ALPK2: variants seen among roughly 807,000 people sequenced by gnomAD.
The protein encoded by ALPK2 is alpha-protein kinase 2.
ALPK2 carries 127 observed loss-of-function variants against 163.1 expected under a neutral mutation model. The observed-to-expected ratio is 0.78, with a 90% CI of 0.67 to 0.90. The LOEUF (loss-of-function observed/expected upper bound fraction) is 0.90, where lower values mean the gene tolerates loss of function less well. ALPK2 is among the 40% of genes least tolerant of loss of function. The probability of loss-of-function intolerance (pLI) is 0.00; values close to 1 mark genes in which losing one functional copy is unlikely to be tolerated. For synonymous variants in ALPK2, 953 were observed against 959.1 expected (o/e 0.99, Z 0.12); for missense variants, 2,360 against 2,589.6 (o/e 0.91, Z 1.92).
At chr18:58,523,027 A>C (rs1372758869) in intron 8 of ALPK2, among the ~76,000 whole-genome samples, 1 of 146,704 alleles carries the variant, frequency 6.8e-6, no homozygotes, top group Non-Finnish European at 1.5e-5. Flanking sequence ...CTCGTCATTT[A>C]GCATTAGGTA....
chr18:58,520,718 C>T (rs2051546028), intron 8 of ALPK2, among the ~76,000 whole-genome samples: 1 of 152,228 alleles, frequency 6.6e-6, no homozygotes, highest in Non-Finnish European at 1.5e-5. Flanking sequence ...TTCCAACTTT[C>T]TCATGAGCTT....
chr18:58,546,151 C>G (rs765433042), intron 4 of ALPK2, among the ~76,000 whole-genome samples: 1 of 152,182 alleles, frequency 6.6e-6, no homozygotes, highest in East Asian at 1.9e-4. Flanking sequence ...AGGACTGTAA[C>G]TTCCTTGATA....
Position 58,553,702 on chromosome 18 carries a change from C to A in ALPK2, c.1963-15478G>T, listed in dbSNP as rs565772912. 2.3e-3 allele frequency among the ~76,000 whole-genome samples: 347 copies of A among 152,204 alleles called. 2 individuals carry two copies. The highest frequency in any genetic ancestry group is 0.01 in the Middle Eastern group (3 of 294). On this transcript the variant is annotated intron_variant, in intron 4 of 12. Transcript: ENST00000361673. ...ACTTGGCATTTCTCCTTCCTGCTGC[C>A]TTGTGAAGAAGGTGCCTTGCTTCCC...
chr18:58,530,551 C>T (rs930466650), intron 5 of ALPK2, among the ~76,000 whole-genome samples: 3 of 152,158 alleles, frequency 2.0e-5, no homozygotes, highest in African/African-American at 4.8e-5. Flanking sequence ...ATGCAGTGGC[C>T]GGCTTCATGG....
rs112793163 is a variant in ALPK2, at chr18:58,554,123, A to G, written c.1963-15899T>C. On this transcript the variant is annotated intron_variant, in intron 4 of 12. Coordinates refer to ENST00000361673, the MANE Select transcript of ALPK2 (RefSeq NM_052947.4). Reference sequence around the variant, plus strand: ...TGATCCGCTGCCTCGGCCTCCCAAAATGCTGGGATTACAGGCATGAGCCTC... The same window carrying G: ...TGATCCGCTGCCTCGGCCTCCCAAAGTGCTGGGATTACAGGCATGAGCCTC... Among the ~76,000 whole-genome samples, 878 of 152,118 alleles carry G rather than the reference A, an allele frequency of 5.8e-3. 12 individuals are homozygous for G. The highest frequency in any genetic ancestry group is 0.019 in the African/African-American group (773 of 41,486).
chr18:58,530,168 G>A (rs891703154), intron 5 of ALPK2, among the ~76,000 whole-genome samples: 4 of 152,236 alleles, frequency 2.6e-5, no homozygotes, highest in African/African-American at 7.2e-5. Flanking sequence ...ATTATACTAC[G>A]GTGAAAATAT....
At chr18:58,507,260 G>A (rs2051466595) in intron 10 of ALPK2, among the ~76,000 whole-genome samples, 1 of 152,144 alleles carries the variant, frequency 6.6e-6, no homozygotes, top group African/African-American at 2.4e-5. Flanking sequence ...TGGCGGCGGG[G>A]CAGCTATAAC....
Position 58,583,279 on chromosome 18 carries a change from T to A in ALPK2, c.228-2731A>T, listed in dbSNP as rs144159626. 1.1e-4 allele frequency among the ~76,000 whole-genome samples: 16 copies of A among 152,246 alleles called. 1 individual carries two copies. The East Asian group carries it at 3.1e-3, about 29-fold the overall frequency. On this transcript the variant is annotated intron_variant, in intron 3 of 12. Coordinates refer to ENST00000361673, the MANE Select transcript of ALPK2 (RefSeq NM_052947.4). ...GAGTCTTATGATCTCTATTTTAATG[T>A]CAGTGGTGGTCAGTTATGCCTAAAC...
At chr18:58,610,573 G>C (rs1272965870) in intron 2 of ALPK2, among the ~76,000 whole-genome samples, 1 of 152,188 alleles carries the variant, frequency 6.6e-6, no homozygotes, top group African/African-American at 2.4e-5. Context: ...CATTGCCTCT[G>C]TTTTAAGATT....
Position 58,580,021 on chromosome 18 carries a change from G to A in ALPK2, c.755C>T (p.Pro252Leu). 6.2e-7 allele frequency: 1 copy of A among 1,614,194 alleles called. No homozygotes were observed. Among genetic ancestry groups the A allele is most frequent in the Non-Finnish European group, 8.5e-7 (1 of 1,180,032 alleles). ...FTDGDLNNDGPHDEGLRSSQQ... is the reference protein window; with the variant it reads ...FTDGDLNNDGLHDEGLRSSQQ... Reference sequence around the variant, plus strand: ...ACTAGAGCGTAAGCCTTCATCATGAGGACCATCATTGTTCAGGTCACCATC... The same window carrying A: ...ACTAGAGCGTAAGCCTTCATCATGAAGACCATCATTGTTCAGGTCACCATC... The change falls in exon 4 of 13, where the codon CCT becomes CTT. Residue 252 changes from proline to leucine, a missense_variant. By Grantham distance (98) the Pro-to-Leu change is moderately conservative (BLOSUM62 -3). Transcript: ENST00000361673.
At chr18:58,516,716 C>T (rs548550113) in intron 9 of ALPK2, among the ~76,000 whole-genome samples, 192 bp downstream of exon 9, 1 of 152,326 alleles carries the variant, frequency 6.6e-6, no homozygotes, top group Admixed American at 6.5e-5. Context: ...TCCCCAGTAG[C>T]TGGCATAAGG....
intron 10 of ALPK2, among the ~76,000 whole-genome samples, chr18:58,510,383 C>T (rs1044215910): frequency 2.0e-5 from 3 of 152,082 alleles, no homozygotes; most frequent in East Asian, 1.9e-4. Context: ...TTTTTGGTTC[C>T]GTATGAACTT....
chr18:58,517,232 C>T, intron 8 of ALPK2, 50 bp from the exon 9 acceptor site: 1 of 1,571,478 alleles, frequency 6.4e-7, no homozygotes, highest in Non-Finnish European at 8.6e-7. Context: ...CAGTCCTGCT[C>T]CTTGGCTAAC....
chr18:58,525,809 T>C (rs1471983991), intron 6 of ALPK2, among the ~76,000 whole-genome samples: 1 of 152,016 alleles, frequency 6.6e-6, no homozygotes. Flanking sequence ...TGGTCACGAG[T>C]CATTACTTCG....
chr18:58,535,895 C>T lies in ALPK2; in HGVS notation c.4292G>A (p.Arg1431Lys). ...EPSETTPQGA[R>K]EGGQSNDGNM... ...TCCGTCATTTGATTGACCCCCTTCT[C>T]TGGCGCCCTGTGGTGTGGTTTCAGA... The change falls in exon 5 of 13, where the codon AGA (arginine) becomes AAA (lysine). Residue 1431 changes from arginine to lysine, a missense_variant. Physicochemically the swap from Arg to Lys is conservative, Grantham distance 26. Coordinates refer to ENST00000361673, the MANE Select transcript of ALPK2 (RefSeq NM_052947.4). 1 of 1,614,226 alleles carries T rather than the reference C, an allele frequency of 6.2e-7. No homozygotes were observed. The highest frequency in any genetic ancestry group is 8.5e-7 in the Non-Finnish European group (1 of 1,180,028).
intron 2 of ALPK2, among the ~76,000 whole-genome samples, chr18:58,610,275 CAAAAAAA>C (rs74183283): frequency 3.7e-4 from 23 of 61,900 alleles, no homozygotes; most frequent in African/African-American, 1.4e-3. Flanking sequence ...GACCCTGTCT[CAAAAAAA>C]AAAAAAAAAA....
intron 2 of ALPK2, among the ~76,000 whole-genome samples, chr18:58,609,093 TCTCC>T (rs367912072): frequency 2.0e-5 from 3 of 151,090 alleles, no homozygotes; most frequent in East Asian, 2.0e-4. Context: ...AAATGCTAAG[TCTCC>T]CTCCCTCCCT....
In ALPK2 at chr18:58,498,069, G is replaced by A. The variant is rs1156914080; in HGVS notation, c.6276C>T (p.Gly2092=). 1 of 1,614,114 alleles carries A rather than the reference G, an allele frequency of 6.2e-7. No individual in the cohort carries two copies. The highest frequency in any genetic ancestry group is 2.2e-5 in the East Asian group (1 of 44,884). ...CTCACCCTTTAGCCAGCGTTGCTAT[G>A]CCAACGTCAGTTAGCTTCATTCCTA... The part of the protein sequence containing the change: ...QGVGMKLTDV[G]IATLAKGYKG... Residue 2092 remains glycine (G), a synonymous_variant, in exon 12 of 13, where the codon GGC becomes GGT. Transcript: ENST00000361673.
chr18:58,567,672 G>A (rs1269094680), intron 4 of ALPK2, among the ~76,000 whole-genome samples: 2 of 152,184 alleles, frequency 1.3e-5, no homozygotes, highest in African/African-American at 2.4e-5. Flanking sequence ...TGGTTCATAC[G>A]CAGTTTTTCT....
Sources: allele counts gnomAD v4.1 joint callset (sites outside exome capture counted in the v4.1 genomes callset), GRCh38; gene constraint gnomAD v4.1.1; transcripts MANE v1.5; gene names NCBI Gene and HGNC (gene_info 2026-07-23, HGNC 2026-07-21).